The following ACSS1 variants were observed in gnomAD, a reference collection of about 807,000 sequenced individuals.
The protein encoded by ACSS1 is acyl-CoA synthetase short chain family member 1.
ACSS1 carries 42 observed loss-of-function variants against 75.3 expected under a neutral mutation model. The observed-to-expected ratio is 0.56, with a 90% CI of 0.44 to 0.72. ACSS1 has a LOEUF of 0.72. Ranked by LOEUF, ACSS1 falls within the 30% of genes least tolerant of loss-of-function variation. The pLI is 0.00. For missense variants in ACSS1, 782 were observed against 935.7 expected (o/e 0.84, Z 2.14); for synonymous variants, 380 against 376.8 (o/e 1.01, Z -0.10).
In ACSS1 at chr20:25,012,935, A is replaced by G. The variant is rs202199947; in HGVS notation, c.1584T>C (p.Tyr528=). 10 of 1,614,194 alleles carry G rather than the reference A, an allele frequency of 6.2e-6. No individual in the cohort carries two copies. In the Admixed American group the frequency reaches 1.7e-4, roughly 27 times the overall value. ...GGTAAGCCCCGTCTCCAGTGAAGTA[A>G]TAGCCTGCACCACAGCAGGGAAATT... The part of the protein sequence containing the change: ...VDAYFKAYPG[Y]YFTGDGAYRT... The change falls in exon 11 of 14, where the codon TAT becomes TAC. Residue 528 remains tyrosine, a synonymous_variant. Coordinates refer to ENST00000323482, the MANE Select transcript of ACSS1 (RefSeq NM_032501.4).
chr20:25,025,218 C>T (rs1190000503), intron 3 of ACSS1, among the ~76,000 whole-genome samples: 1 of 152,198 alleles, frequency 6.6e-6, no homozygotes, highest in Non-Finnish European at 1.5e-5. Context: ...TCCCCACCTC[C>T]CAAGGCGCAC....
Position 25,006,280 on chromosome 20 carries a change from A to C in ACSS1, c.*1482T>G, listed in dbSNP as rs1344508463. Reference sequence around the variant, plus strand: ...ATTTGAACTCCCTCCCCTACAGATCATTCAGATGCCCGGGACCATGTCCAG... The same window carrying C: ...ATTTGAACTCCCTCCCCTACAGATCCTTCAGATGCCCGGGACCATGTCCAG... On this transcript the variant is annotated 3_prime_UTR_variant, in exon 14 of 14. Transcript: ENST00000323482. 1 of 152,468 alleles carries C rather than the reference A, an allele frequency of 6.6e-6. No homozygotes were observed. The highest frequency in any genetic ancestry group is 2.4e-5 in the African/African-American group (1 of 41,446). The allele number at this position is 152,468 out of a possible 1,614,324, so 9.4% of individuals were successfully genotyped here.
In ACSS1 at chr20:25,009,342, A is replaced by G; in HGVS notation, c.1818T>C (p.Asp606=). 1 of 1,614,206 alleles carries G rather than the reference A, an allele frequency of 6.2e-7. No individual in the cohort carries two copies. ...TGGACTTGAGCTCCTGCACCACCAC[A>G]TCTGAGTCACCCGCACTATCTTTCA... is the stretch of plus-strand genomic sequence containing the variant. The part of the protein sequence containing the change: ...IVVKDSAGDS[D]VVVQELKSMV... The change falls in exon 13 of 14, where the codon GAT becomes GAC. Residue 606 remains aspartate, a synonymous_variant. Coordinates refer to ENST00000323482, the MANE Select transcript of ACSS1 (RefSeq NM_032501.4).
At chr20:25,025,360 G>A (rs2088697463) in intron 3 of ACSS1, among the ~76,000 whole-genome samples, 1 of 152,214 alleles carries the variant, frequency 6.6e-6, no homozygotes, top group African/African-American at 2.4e-5. Context: ...CCAAGGCTGG[G>A]CCACAGCATG....
At chr20:25,038,313 A>G (rs914954239) in intron 2 of ACSS1, among the ~76,000 whole-genome samples, 6 of 152,174 alleles carry the variant, frequency 3.9e-5, no homozygotes, top group East Asian at 1.9e-4. Flanking sequence ...AGGGTTCCCA[A>G]CACAGCCCCC....
chr20:25,032,827 G>T, intron 2 of ACSS1: 1 of 413,462 alleles, frequency 2.4e-6, no homozygotes, highest in Non-Finnish European at 3.3e-6. Flanking sequence ...GCCATCTGCA[G>T]AGGGGACCAC....
chr20:25,049,862 C>T (rs2089152391), intron 1 of ACSS1, among the ~76,000 whole-genome samples: 1 of 152,064 alleles, frequency 6.6e-6, no homozygotes, highest in East Asian at 1.9e-4. Flanking sequence ...CCCCCGGTAA[C>T]AGTCCAGTTC....
chr20:25,047,017 G>A (rs1457150117), intron 2 of ACSS1: 1 of 717,860 alleles, frequency 1.4e-6, no homozygotes, highest in South Asian at 1.5e-5. Context: ...AGCAGGACAG[G>A]GCCCACTGGG....
In ACSS1 at chr20:25,048,170, C is replaced by G. The variant is rs1343186238; in HGVS notation, c.346G>C (p.Asp116His). 1.2e-6 allele frequency: 2 copies of G among 1,613,038 alleles called. No individual in the cohort carries two copies. The highest frequency in any genetic ancestry group is 1.7e-6 in the Non-Finnish European group (2 of 1,179,958). ...GQLNVSVNCL[D>H]QHVRKSPESV... Reference sequence around the variant, plus strand: ...TCGGGGGACTTCCGAACATGCTGGTCCAAGCAGTTGACTGTACAAAAAGAG... The same window carrying G: ...TCGGGGGACTTCCGAACATGCTGGTGCAAGCAGTTGACTGTACAAAAAGAG... Residue 116 changes from aspartate to histidine, a missense_variant, in exon 2 of 14, where the codon GAC (aspartate) becomes CAC (histidine). This residue lies in a region of ACSS1 where 377 missense variants were observed against 383.1 expected (regional missense o/e 0.98). Coordinates refer to ENST00000323482, the MANE Select transcript of ACSS1 (RefSeq NM_032501.4).
chr20:25,057,914 T>A lies in ACSS1; in HGVS notation c.189A>T (p.Ala63=). 6.2e-7 allele frequency: 1 copy of A among 1,611,516 alleles called. No individual in the cohort carries two copies. Among genetic ancestry groups the A allele is most frequent in the Non-Finnish European group, 8.5e-7 (1 of 1,179,294 alleles). The change falls in exon 1 of 14, where the codon GCA becomes GCT. Residue 63 remains alanine (A), a synonymous_variant. Coordinates refer to ENST00000323482, the MANE Select transcript of ACSS1 (RefSeq NM_032501.4). ...AGGCGGCCGGCTCCCGGGCTGCCTG[T>A]GCACTCAGCGCGGGATACGAGCCTG... ...AQPGSYPALS[A]QAAREPAAFW... is the part of the protein sequence containing the mutation.
rs1268849833 is a variant in ACSS1 at position 25,057,860 on chromosome 20, G to T, written c.243C>A (p.Leu81=). The T allele has an allele frequency of 1.2e-6, 2 of 1,612,680 alleles. No homozygotes were observed. The highest frequency in any genetic ancestry group is 1.7e-6 in the Non-Finnish European group (2 of 1,179,646). The part of the protein sequence containing the change: ...AFWGPLARDT[L]VWDTPYHTVW... ...CGGTGTGGTAGGGGGTGTCCCACAC[G>T]AGAGTGTCCCGCGCCAGAGGCCCCC... The change falls in exon 1 of 14, where the codon CTC becomes CTA. Residue 81 remains leucine (L), a synonymous_variant. Coordinates refer to ENST00000323482, the MANE Select transcript of ACSS1 (RefSeq NM_032501.4).
intron 1 of ACSS1, among the ~76,000 whole-genome samples, chr20:25,055,375 C>T (rs886148814): frequency 3.9e-5 from 6 of 152,154 alleles, no homozygotes; most frequent in African/African-American, 7.2e-5. Flanking sequence ...GAAATCAACC[C>T]GAGTCATGAT....
chr20:25,054,348 A>G (rs572486494), intron 1 of ACSS1, among the ~76,000 whole-genome samples: 1 of 152,364 alleles, frequency 6.6e-6, no homozygotes, highest in East Asian at 1.9e-4. Context: ...GCCTCCCCAC[A>G]TGCTTCATTA....
At chr20:25,029,637 C>T (rs2088787308) in intron 3 of ACSS1, among the ~76,000 whole-genome samples, 1 of 152,238 alleles carries the variant, frequency 6.6e-6, no homozygotes, top group Admixed American at 6.5e-5. Flanking sequence ...ATATTATTCA[C>T]CTATTAAAAA....
rs552494550 is a variant in ACSS1, at chr20:25,006,346, C to T, written c.*1416G>A. On this transcript the variant is annotated 3_prime_UTR_variant, in exon 14 of 14. Coordinates refer to ENST00000323482, the MANE Select transcript of ACSS1 (RefSeq NM_032501.4). ...ATGGAAAGCTAAGCCATTTCACAAACGCACAACTGTAGCTACACTACAGCC... is the reference window on the plus strand; with the variant it reads ...ATGGAAAGCTAAGCCATTTCACAAATGCACAACTGTAGCTACACTACAGCC... The T allele has an allele frequency of 1.2e-3, 189 of 153,912 alleles. 2 individuals carry two copies. The South Asian group carries it at 0.013, about 11-fold the overall frequency. The allele number at this position is 153,912 out of a possible 1,614,324, so 9.5% of individuals were successfully genotyped here.
At chr20:25,019,305 T>A (rs2088575096) in intron 7 of ACSS1, among the ~76,000 whole-genome samples, 1 of 152,250 alleles carries the variant, frequency 6.6e-6, no homozygotes, top group Non-Finnish European at 1.5e-5. Flanking sequence ...CTGCTGATAC[T>A]GTCGAAACCA....
chr20:25,012,754 G>C (rs557541688), intron 11 of ACSS1, 58 bp downstream of exon 11: 6 of 1,613,182 alleles, frequency 3.7e-6, no homozygotes, highest in Admixed American at 1.7e-5. Flanking sequence ...CAACTTGCAG[G>C]TCCACAGGGG....
chr20:25,056,716 C>T (rs965090206), intron 1 of ACSS1, among the ~76,000 whole-genome samples: 1 of 152,140 alleles, frequency 6.6e-6, no homozygotes. Flanking sequence ...AAATGGGGCC[C>T]TGGTGACCCT....
chr20:25,039,562 G>A (rs2088969501), intron 2 of ACSS1, among the ~76,000 whole-genome samples: 1 of 152,196 alleles, frequency 6.6e-6, no homozygotes, highest in East Asian at 1.9e-4. Context: ...CAGGGCCGAG[G>A]GTGGGTGTGG....
Sources: gnomAD v4.1 joint callset for allele counts (sites outside exome capture counted in the v4.1 genomes callset) on GRCh38, gnomAD v4.1.1 for gene constraint, gnomAD v4.1.1 regional missense constraint, MANE v1.5 for transcripts, NCBI Gene and HGNC (gene_info 2026-07-23, HGNC 2026-07-21) for gene names.